TAF4B: variants seen among roughly 807,000 people sequenced by gnomAD.
TAF4B encodes the protein TATA-box binding protein associated factor 4b.
In TAF4B, 38 loss-of-function variants were observed where a neutral mutation model predicts 86.4. The ratio of observed to expected loss-of-function variants is 0.44; its 90% CI spans 0.34 to 0.58. The LOEUF (loss-of-function observed/expected upper bound fraction) is 0.58, where lower values mean the gene tolerates loss of function less well. Ranked by LOEUF, TAF4B falls within the 20% of genes least tolerant of loss-of-function variation. The pLI, the probability that TAF4B is intolerant of heterozygous loss-of-function variation, is 0.02. For synonymous variants in TAF4B, 388 were observed against 391.2 expected (o/e 0.99, Z 0.10); for missense variants, 988 against 1,027.6 (o/e 0.96, Z 0.53).
intron 9 of TAF4B, among the ~76,000 whole-genome samples, chr18:26,301,657 A>G (rs553508557): frequency 5.3e-5 from 8 of 152,060 alleles, no homozygotes; most frequent in Admixed American, 1.3e-4. Context: ...CTCTATTTCT[A>G]TTATCTGGCT....
At chr18:26,355,737 G>A (rs538665151) in intron 13 of TAF4B, among the ~76,000 whole-genome samples, 1 of 152,270 alleles carries the variant, frequency 6.6e-6, no homozygotes, top group East Asian at 1.9e-4. Flanking sequence ...TCTCTACAGG[G>A]AAGGACTTTA....
At chr18:26,372,573 A>T (rs768910567) in intron 14 of TAF4B, among the ~76,000 whole-genome samples, 2 of 152,218 alleles carry the variant, frequency 1.3e-5, no homozygotes, top group Admixed American at 1.3e-4. Flanking sequence ...ATTAAGTCTT[A>T]TGACGTATCA....
chr18:26,238,713 A>G (rs890819734), intron 1 of TAF4B, among the ~76,000 whole-genome samples: 9 of 152,116 alleles, frequency 5.9e-5, no homozygotes, highest in Admixed American at 3.9e-4. Flanking sequence ...TACATTAGGT[A>G]TATCTCCTAA....
intron 13 of TAF4B, among the ~76,000 whole-genome samples, chr18:26,349,317 T>C (rs1455497529): frequency 6.6e-6 from 1 of 152,140 alleles, no homozygotes; most frequent in African/African-American, 2.4e-5. Flanking sequence ...CAAAGGATTC[T>C]TATTGACTAC....
chr18:26,290,677 T>G (rs1304281171), intron 7 of TAF4B, among the ~76,000 whole-genome samples: 3 of 152,178 alleles, frequency 2.0e-5, no homozygotes, highest in Non-Finnish European at 4.4e-5. Context: ...TAGAGTTTTG[T>G]TTTTGGTTTT....
At chr18:26,229,126 T>C (rs2055623475) in intron 1 of TAF4B, among the ~76,000 whole-genome samples, 1 of 152,186 alleles carries the variant, frequency 6.6e-6, no homozygotes, top group South Asian at 2.1e-4. Flanking sequence ...CAGTCTTTTA[T>C]TTTATATACC....
intron 1 of TAF4B, among the ~76,000 whole-genome samples, chr18:26,246,191 G>A (rs1396419011): frequency 6.6e-6 from 1 of 152,136 alleles, no homozygotes; most frequent in East Asian, 1.9e-4. Context: ...TGAAATTGAG[G>A]GGGAAGGTAG....
chr18:26,358,376 C>T (rs990928682), intron 14 of TAF4B, among the ~76,000 whole-genome samples: 3 of 152,144 alleles, frequency 2.0e-5, no homozygotes, highest in Admixed American at 1.3e-4. Flanking sequence ...TTGGTTAACA[C>T]CAAGAAAGGA....
chr18:26,229,472 TC>T (rs1704099738), intron 1 of TAF4B, among the ~76,000 whole-genome samples: 1 of 151,306 alleles, frequency 6.6e-6, no homozygotes, highest in African/African-American at 2.4e-5. Context: ...TTATACTATT[TC>T]TTTTATATCT....
intron 1 of TAF4B, among the ~76,000 whole-genome samples, chr18:26,250,909 C>T (rs2055997659): frequency 6.6e-6 from 1 of 152,102 alleles, no homozygotes; most frequent in African/African-American, 2.4e-5. Flanking sequence ...TATACCATAA[C>T]TAATAGCACG....
chr18:26,340,272 T>A (rs574276763), intron 13 of TAF4B, among the ~76,000 whole-genome samples: 4 of 152,298 alleles, frequency 2.6e-5, no homozygotes, highest in Admixed American at 1.3e-4. Flanking sequence ...AGTATATTTT[T>A]AAAATGAAAT....
At chr18:26,353,049 T>C (rs1456807022) in intron 13 of TAF4B, among the ~76,000 whole-genome samples, 2 of 152,134 alleles carry the variant, frequency 1.3e-5, no homozygotes, top group Admixed American at 1.3e-4. Flanking sequence ...ATAGAAGAGA[T>C]AGAAACACTT....
chr18:26,239,456 T>G (rs1175901068), intron 1 of TAF4B, among the ~76,000 whole-genome samples: 1 of 152,210 alleles, frequency 6.6e-6, no homozygotes, highest in Non-Finnish European at 1.5e-5. Flanking sequence ...CTTGTAAATT[T>G]GTTTGAGTTC....
chr18:26,310,048 C>T (rs72880185), intron 9 of TAF4B, among the ~76,000 whole-genome samples: 6,611 of 152,162 alleles, frequency 0.043, 200 homozygotes, highest in Non-Finnish European at 0.061. Flanking sequence ...GTGCTGAGCC[C>T]CTGACCTCAG....
intron 1 of TAF4B, among the ~76,000 whole-genome samples, chr18:26,257,842 C>CATGTGT (rs1051472058): frequency 1.4e-5 from 2 of 141,436 alleles, no homozygotes; most frequent in South Asian, 4.8e-4. Context: ...CCTCTGCGTG[C>CATGTGT]GTGTGTGTGT....
Position 26,315,095 on chromosome 18 carries a change from A to ACTAACTCTCT in TAF4B, c.1833-132_1833-131insAACTCTCTCT. On this transcript the variant is annotated intron_variant, in intron 9 of 14. Coordinates refer to ENST00000269142, the MANE Select transcript of TAF4B (RefSeq NM_005640.3). Reference sequence around the variant, plus strand: ...ACCTCTAATTCTTTTGCTCTCTGAAACTCTCTCTCTCTCTCTCTCTCTCTC... The same window carrying ACTAACTCTCT: ...ACCTCTAATTCTTTTGCTCTCTGAAACTAACTCTCTCTCTCTCTCTCTCTCTCTCTCTCTC... The ACTAACTCTCT allele has an allele frequency of 2.3e-5, 5 of 218,602 alleles. No homozygotes were observed. The East Asian group carries it at 3.8e-4, about 17-fold the overall frequency. The allele number at this position is 218,602 out of a possible 1,614,324, so 13.5% of individuals were successfully genotyped here. A position where few individuals can be genotyped will look rare whatever the true frequency, so the allele number is the denominator to read the frequency against.
intron 1 of TAF4B, among the ~76,000 whole-genome samples, chr18:26,253,383 T>G (rs2056034791): frequency 1.3e-5 from 2 of 152,182 alleles, no homozygotes; most frequent in South Asian, 4.1e-4. Flanking sequence ...TTTATAGTAG[T>G]TAGTGTTTGG....
At chr18:26,321,668 T>C (rs2056964387) in intron 11 of TAF4B, among the ~76,000 whole-genome samples, 2 of 152,120 alleles carry the variant, frequency 1.3e-5, no homozygotes, top group African/African-American at 4.8e-5. Flanking sequence ...AGTAAAATTA[T>C]TACTATTTAG....
At chr18:26,388,071 T>C (rs1227814986) in intron 14 of TAF4B, among the ~76,000 whole-genome samples, 1 of 152,228 alleles carries the variant, frequency 6.6e-6, no homozygotes, top group Non-Finnish European at 1.5e-5. Context: ...TTTCTTCCTA[T>C]GTTATCTTTC....
Sources: gnomAD v4.1 joint callset for allele counts (sites outside exome capture counted in the v4.1 genomes callset) on GRCh38, gnomAD v4.1.1 for gene constraint, MANE v1.5 for transcripts, NCBI Gene and HGNC (gene_info 2026-07-23, HGNC 2026-07-21) for gene names.